The following NALCN variants were observed in gnomAD, a reference collection of about 807,000 sequenced individuals.
NALCN encodes the protein sodium leak channel, non-selective, also known as sodium leak channel NALCN.
Under a neutral mutation model 225.3 loss-of-function variants are expected in NALCN, and 111 were observed. That is an observed-to-expected ratio of 0.49 (90% CI 0.42 to 0.58). The LOEUF is 0.58. NALCN is among the 20% of genes least tolerant of loss of function. The pLI is 0.00. For synonymous variants in NALCN, 764 were observed against 769.0 expected (o/e 0.99, Z 0.11); for missense variants, 1,378 against 2,202.4 (o/e 0.63, Z 7.49).
At chr13:101,368,920 C>T (rs1297684332) in intron 6 of NALCN, 1 of 245,110 alleles carries the variant, frequency 4.1e-6, no homozygotes, top group Non-Finnish European at 8.4e-6. Flanking sequence ...GCAGGAGAAT[C>T]TCTTGAACCT....
intron 11 of NALCN, among the ~76,000 whole-genome samples, chr13:101,244,074 CATG>C (rs2041820443): frequency 6.7e-6 from 1 of 149,292 alleles, no homozygotes; most frequent in African/African-American, 2.5e-5. Context: ...GTCCCATCCA[CATG>C]CCTGACCTGG....
intron 13 of NALCN, among the ~76,000 whole-genome samples, chr13:101,206,804 G>C (rs942873612): frequency 2.8e-4 from 42 of 151,134 alleles, no homozygotes; most frequent in Admixed American, 7.9e-4. Context: ...CTATCAGTTT[G>C]TTTCTAGGCA....
chr13:101,400,286 T>C (rs534793856), intron 1 of NALCN, among the ~76,000 whole-genome samples: 2 of 152,292 alleles, frequency 1.3e-5, no homozygotes, highest in South Asian at 4.1e-4. Context: ...TCTGTTTGAC[T>C]ACAATGTGTA....
chr13:101,232,495 G>C (rs1372540907), intron 12 of NALCN, among the ~76,000 whole-genome samples: 3 of 150,648 alleles, frequency 2.0e-5, no homozygotes, highest in Admixed American at 6.6e-5. Flanking sequence ...GCCCAGGCTG[G>C]AGTGTAGTGG....
chr13:101,189,100 C>T (rs1262359196), intron 14 of NALCN, among the ~76,000 whole-genome samples: 1 of 152,134 alleles, frequency 6.6e-6, no homozygotes, highest in African/African-American at 2.4e-5. Context: ...AGGGATGCCC[C>T]TTATCCTCTA....
rs201450637 is a variant in NALCN, at chr13:101,369,174, G to GTA, written c.644+7525_644+7526insTA. 4.9e-3 allele frequency among the ~76,000 whole-genome samples: 745 copies of GTA among 151,556 alleles called. 7 individuals are homozygous for GTA. Among genetic ancestry groups the GTA allele is most frequent in the African/African-American group, 0.017 (709 of 41,336 alleles). On this transcript the variant is annotated intron_variant, in intron 6 of 43. Coordinates refer to ENST00000251127, the MANE Select transcript of NALCN (RefSeq NM_052867.4). The stretch of plus-strand genomic sequence containing the variant: ...AAAAGAAGACAAAATAAATGTGTGT[G>GTA]TGTGTGTGTGTGTGTGTGTGTGTGT...
intron 15 of NALCN, among the ~76,000 whole-genome samples, chr13:101,167,849 A>C (rs2038525096): frequency 1.1e-5 from 1 of 90,308 alleles, no homozygotes; most frequent in African/African-American, 3.1e-5. Flanking sequence ...AAAAAAACAA[A>C]AACAAAAACT....
chr13:101,136,358 GGTTT>G (rs1172827944), intron 17 of NALCN, among the ~76,000 whole-genome samples: 2 of 152,150 alleles, frequency 1.3e-5, no homozygotes, highest in African/African-American at 2.4e-5. Context: ...ACAACGTGCA[GGTTT>G]GTTACATAGG....
At chr13:101,090,546 GGTGTTTGCTTGTAGTAT>G (rs971104460) in intron 28 of NALCN, among the ~76,000 whole-genome samples, 4 of 152,172 alleles carry the variant, frequency 2.6e-5, no homozygotes, top group African/African-American at 7.2e-5. Context: ...GACGGCAAGA[GGTGTTTGCTTGTAGTAT>G]GTATTTTTCC....
intron 37 of NALCN, among the ~76,000 whole-genome samples, chr13:101,070,991 GA>G (rs1393860398): frequency 4.6e-5 from 7 of 152,196 alleles, no homozygotes; most frequent in Admixed American, 6.5e-5. Context: ...AAAATGGGGG[GA>G]AAAACCTCTT....
chr13:101,094,159 G>C (rs1159014543), intron 28 of NALCN, among the ~76,000 whole-genome samples: 1 of 152,130 alleles, frequency 6.6e-6, no homozygotes, highest in African/African-American at 2.4e-5. Flanking sequence ...CCCTTTCCCA[G>C]CACAAAGCCC....
intron 31 of NALCN, among the ~76,000 whole-genome samples, chr13:101,083,488 ATT>A (rs1225321223): frequency 6.6e-6 from 1 of 152,098 alleles, no homozygotes; most frequent in Non-Finnish European, 1.5e-5. Flanking sequence ...TTAAAAATTC[ATT>A]TTTTCATTAA....
intron 11 of NALCN, among the ~76,000 whole-genome samples, chr13:101,241,807 G>GTATTTTC: frequency 5.5e-5 from 2 of 36,166 alleles, no homozygotes; most frequent in Non-Finnish European, 6.8e-5. Flanking sequence ...CTTTCCCTCT[G>GTATTTTC]AGGGATGGGA....
chr13:101,358,765 A>G (rs2046137201), intron 6 of NALCN, among the ~76,000 whole-genome samples: 1 of 152,240 alleles, frequency 6.6e-6, no homozygotes, highest in South Asian at 2.1e-4. Context: ...TTGCAACACT[A>G]TTTACAATAG....
intron 34 of NALCN, among the ~76,000 whole-genome samples, chr13:101,080,531 T>G (rs986073323): frequency 7.3e-6 from 1 of 137,900 alleles, no homozygotes; most frequent in African/African-American, 2.6e-5. Context: ...ATAATAGTTA[T>G]AAGTATATAA....
intron 18 of NALCN, among the ~76,000 whole-genome samples, chr13:101,113,893 C>T (rs553388167): frequency 1.3e-5 from 2 of 152,272 alleles, no homozygotes; most frequent in South Asian, 4.1e-4. Context: ...ACCACTTTAT[C>T]ACTCAGCCTC....
At chr13:101,394,001 T>G (rs575348895) in intron 3 of NALCN, among the ~76,000 whole-genome samples, 4 of 152,182 alleles carry the variant, frequency 2.6e-5, no homozygotes, top group Non-Finnish European at 5.9e-5. Context: ...TTATTATATT[T>G]GATAATGGTA....
chr13:101,411,015 T>C (rs145368830), intron 1 of NALCN, among the ~76,000 whole-genome samples: 3,525 of 152,276 alleles, frequency 0.023, 65 homozygotes, highest in South Asian at 0.045. Context: ...ATTTCTCCAG[T>C]GCATTTCTTC....
intron 17 of NALCN, among the ~76,000 whole-genome samples, chr13:101,141,731 G>A (rs572174940): frequency 6.6e-6 from 1 of 152,210 alleles, no homozygotes. Flanking sequence ...ATTCCAAAGG[G>A]TTCATCCCTG....
Sources: allele counts gnomAD v4.1 joint callset (sites outside exome capture counted in the v4.1 genomes callset), GRCh38; gene constraint gnomAD v4.1.1; transcripts MANE v1.5; gene names NCBI Gene and HGNC (gene_info 2026-07-23, HGNC 2026-07-21).